The following SLC24A3 variants were observed in gnomAD, a reference collection of about 807,000 sequenced individuals.
SLC24A3 encodes the protein solute carrier family 24 member 3, also known as sodium/potassium/calcium exchanger 3.
SLC24A3 carries 28 observed loss-of-function variants against 75.8 expected under a neutral mutation model. The ratio of observed to expected loss-of-function variants is 0.37; its 90% confidence interval spans 0.27 to 0.51. The LOEUF (loss-of-function observed/expected upper bound fraction) is 0.51, where lower values mean the gene tolerates loss of function less well. SLC24A3 is among the 20% of genes least tolerant of loss of function. SLC24A3 has a pLI of 0.94. For missense variants in SLC24A3, 663 were observed against 847.8 expected, an observed-to-expected ratio of 0.78 and a Z score of 2.71; for synonymous variants, 372 against 334.1, an observed-to-expected ratio of 1.11 and a Z score of -1.24.
chr20:19,535,475 C>T (rs773339490), intron 3 of SLC24A3, among the ~76,000 whole-genome samples: 1 of 152,136 alleles, frequency 6.6e-6, no homozygotes, highest in Non-Finnish European at 1.5e-5. Context: ...ACAGGGTTCC[C>T]AGAGATCAAT....
chr20:19,474,881 C>T (rs1281985064), intron 2 of SLC24A3, among the ~76,000 whole-genome samples: 2 of 152,210 alleles, frequency 1.3e-5, no homozygotes, highest in African/African-American at 4.8e-5. Flanking sequence ...CCATTTCTCA[C>T]TCCCCCAGCC....
chr20:19,355,340 A>C (rs547941862), intron 2 of SLC24A3, among the ~76,000 whole-genome samples: 1 of 152,214 alleles, frequency 6.6e-6, no homozygotes, highest in African/African-American at 2.4e-5. Context: ...CCACTGATTA[A>C]AATCCAAAAA....
chr20:19,566,789 G>A (rs189963686), intron 3 of SLC24A3, among the ~76,000 whole-genome samples: 219 of 152,302 alleles, frequency 1.4e-3, no homozygotes, highest in Non-Finnish European at 1.7e-3. Flanking sequence ...AAACATTTCT[G>A]CTTCTCCATC....
In SLC24A3 at chr20:19,281,045, G is replaced by A. The variant is rs765293325; in HGVS notation, c.229G>A (p.Glu77Lys). ...LMQVNDTLTS[E>K]DAGLRNSKNC... ...GCAGGTGAACGACACTCTGACTTCC[G>A]AAGATGCCGGACTCCGGAACAGCAA... The change falls in exon 2 of 17, where the codon GAA becomes AAA. Residue 77 changes from glutamate (E) to lysine (K), a missense_variant. This residue lies in a region of SLC24A3 where 153 missense variants were observed against 144.2 expected (regional missense o/e 1.06). Transcript: ENST00000328041. The A allele has an allele frequency of 1.6e-5, 26 of 1,614,050 alleles. 1 individual carries two copies. Among genetic ancestry groups the A allele is most frequent in the Middle Eastern group, 3.3e-4 (2 of 6,084 alleles).
At chr20:19,339,470 A>C (rs1387003444) in intron 2 of SLC24A3, among the ~76,000 whole-genome samples, 2 of 152,240 alleles carry the variant, frequency 1.3e-5, no homozygotes, top group African/African-American at 2.4e-5. Context: ...CAAGAATTCT[A>C]ATATTTCTCA....
chr20:19,496,613 G>A (rs1158417399), intron 2 of SLC24A3, among the ~76,000 whole-genome samples: 1 of 152,170 alleles, frequency 6.6e-6, no homozygotes, highest in Non-Finnish European at 1.5e-5. Flanking sequence ...CCTGGCATGA[G>A]CATTCCCGTG....
At chr20:19,348,879 C>T (rs1985497904) in intron 2 of SLC24A3, among the ~76,000 whole-genome samples, 1 of 152,128 alleles carries the variant, frequency 6.6e-6, no homozygotes, top group Non-Finnish European at 1.5e-5. Context: ...TGTGTATCTG[C>T]TTCTTATATA....
intron 1 of SLC24A3, among the ~76,000 whole-genome samples, chr20:19,221,797 C>G (rs1015842763): frequency 5.3e-5 from 8 of 152,156 alleles, no homozygotes; most frequent in African/African-American, 1.7e-4. Flanking sequence ...CTATTTTTTC[C>G]TAATCTTCAA....
intron 2 of SLC24A3, among the ~76,000 whole-genome samples, chr20:19,352,092 G>A (rs1985580494): frequency 1.3e-5 from 2 of 151,860 alleles, no homozygotes; most frequent in African/African-American, 2.4e-5. Context: ...GGGGGTAGCA[G>A]GGCAGCTCAG....
At chr20:19,419,508 G>A (rs1986881539) in intron 2 of SLC24A3, among the ~76,000 whole-genome samples, 1 of 152,130 alleles carries the variant, frequency 6.6e-6, no homozygotes, top group African/African-American at 2.4e-5. Flanking sequence ...CTGATACAGA[G>A]CCTCTAAGCA....
At chr20:19,299,484 AT>A (rs757286653) in intron 2 of SLC24A3, among the ~76,000 whole-genome samples, 1 of 152,138 alleles carries the variant, frequency 6.6e-6, no homozygotes, top group South Asian at 2.1e-4. Context: ...AACAGGTCAA[AT>A]TTTTTTAAAA....
intron 2 of SLC24A3, among the ~76,000 whole-genome samples, chr20:19,363,939 G>C (rs1231153744): frequency 6.6e-6 from 1 of 152,200 alleles, no homozygotes; most frequent in South Asian, 2.1e-4. Context: ...AGACAGACTT[G>C]GTCAGGCAGG....
intron 2 of SLC24A3, among the ~76,000 whole-genome samples, chr20:19,430,622 GC>G (rs1987084722): frequency 6.6e-6 from 1 of 152,302 alleles, no homozygotes; most frequent in South Asian, 2.1e-4. Context: ...CACACTAGCA[GC>G]CCTTCTCCCT....
chr20:19,266,791 T>G (rs1421821029), intron 1 of SLC24A3, among the ~76,000 whole-genome samples: 1 of 152,252 alleles, frequency 6.6e-6, no homozygotes, highest in Non-Finnish European at 1.5e-5. Flanking sequence ...TATGTACAGC[T>G]GGAATGGACT....
At chr20:19,334,162 C>T (rs569999548) in intron 2 of SLC24A3, among the ~76,000 whole-genome samples, 26 of 152,026 alleles carry the variant, frequency 1.7e-4, no homozygotes, top group Non-Finnish European at 2.9e-4. Context: ...GAGTATGGTC[C>T]GTTTATCCTA....
At chr20:19,461,746 T>C (rs1034682885) in intron 2 of SLC24A3, among the ~76,000 whole-genome samples, 1 of 152,192 alleles carries the variant, frequency 6.6e-6, no homozygotes. Flanking sequence ...TTGGCCAGGC[T>C]GGTCTCGAAC....
chr20:19,398,720 C>A (rs561006806), intron 2 of SLC24A3, among the ~76,000 whole-genome samples: 1 of 152,194 alleles, frequency 6.6e-6, no homozygotes, highest in African/African-American at 2.4e-5. Context: ...TAATTTTGAA[C>A]AGAAGTGAGG....
In SLC24A3 at chr20:19,475,341, GA is replaced by G. The variant is rs796924827; in HGVS notation, c.272-40134del. On this transcript the variant is annotated intron_variant, in intron 2 of 16. Transcript: ENST00000328041. ...GCAACAGAGTGAGACTCTGTCTCAA[GA>G]AAAAAAAAAAAATCACATCCAAGGC... Among the ~76,000 whole-genome samples the G allele has an allele frequency of 2.7e-3, 391 of 143,574 alleles. 2 individuals carry two copies. In the East Asian group the frequency reaches 0.029, roughly 11 times the overall value. The allele number at this position is 143,574 out of a possible 152,430, so 94.2% of individuals were successfully genotyped here.
rs1053114251 is a variant in SLC24A3, at chr20:19,435,864, G to A, written c.272-79624G>A. 9.3e-4 allele frequency among the ~76,000 whole-genome samples: 141 copies of A among 152,172 alleles called. 2 individuals are homozygous for A. The highest frequency in any genetic ancestry group is 9.2e-3 in the Admixed American group (141 of 15,282). The stretch of plus-strand genomic sequence containing the variant: ...GCCTACACCTCACATTGTAGTAGAT[G>A]CCCAAACTGGTTCCAAGAATGAATG... On this transcript the variant is annotated intron_variant, in intron 2 of 16. Coordinates refer to ENST00000328041, the MANE Select transcript of SLC24A3 (RefSeq NM_020689.4).
Sources: gnomAD v4.1 joint callset for allele counts (sites outside exome capture counted in the v4.1 genomes callset) on GRCh38, gnomAD v4.1.1 for gene constraint, gnomAD v4.1.1 regional missense constraint, MANE v1.5 for transcripts, NCBI Gene and HGNC (gene_info 2026-07-23, HGNC 2026-07-21) for gene names.